The following NT5DC1 variants were observed in gnomAD, a reference collection of about 807,000 sequenced individuals.
NT5DC1 encodes 5'-nucleotidase domain containing 1.
Under a neutral mutation model 59.4 loss-of-function variants are expected in NT5DC1, and 42 were observed. The ratio of observed to expected loss-of-function variants is 0.71; its 90% CI spans 0.55 to 0.92. NT5DC1 has a LOEUF of 0.92. Among genes scored for constraint, NT5DC1 ranks in the 40% least tolerant of loss-of-function variants. The pLI, the probability that NT5DC1 is intolerant of heterozygous loss-of-function variation, is 0.00. For synonymous variants in NT5DC1, 172 were observed against 188.1 expected, an observed-to-expected ratio of 0.91 and a Z score of 0.70; for missense variants, 501 against 537.1, an observed-to-expected ratio of 0.93 and a Z score of 0.66.
chr6:116,166,969 G>C (rs552637456), intron 6 of NT5DC1, among the ~76,000 whole-genome samples: 3 of 152,068 alleles, frequency 2.0e-5, no homozygotes, highest in South Asian at 2.1e-4. Flanking sequence ...TAATTGTTTT[G>C]GGGAGCCTAC....
chr6:116,159,287 C>CTTTTTTTTTT (rs1415199501), intron 6 of NT5DC1, among the ~76,000 whole-genome samples: 1 of 151,990 alleles, frequency 6.6e-6, no homozygotes, highest in African/African-American at 2.4e-5. Context: ...TTATCAAAAA[C>CTTTTTTTTTT]CAGAGAAACA....
At chr6:116,208,930 G>T (rs76058197) in intron 6 of NT5DC1, among the ~76,000 whole-genome samples, 17 of 152,050 alleles carry the variant, frequency 1.1e-4, no homozygotes, top group African/African-American at 4.1e-4. Flanking sequence ...TTACATCATG[G>T]CTGGGGATCC....
chr6:116,142,026 T>G (rs1779779695), intron 6 of NT5DC1, among the ~76,000 whole-genome samples: 1 of 151,956 alleles, frequency 6.6e-6, no homozygotes, highest in African/African-American at 2.4e-5. Flanking sequence ...AAAAAAAGAT[T>G]TGTTACTTCT....
intron 6 of NT5DC1, among the ~76,000 whole-genome samples, chr6:116,201,300 A>G (rs1281991840): frequency 6.6e-6 from 1 of 152,074 alleles, no homozygotes; most frequent in Non-Finnish European, 1.5e-5. Context: ...ATTGGAAGTC[A>G]TTCCCACCAC....
intron 6 of NT5DC1, among the ~76,000 whole-genome samples, chr6:116,140,360 A>G (rs1383973897): frequency 6.6e-6 from 1 of 152,056 alleles, no homozygotes; most frequent in Non-Finnish European, 1.5e-5. Context: ...TGGGCACATC[A>G]CACCTCTCTT....
intron 6 of NT5DC1, among the ~76,000 whole-genome samples, chr6:116,183,404 T>C (rs981250088): frequency 6.6e-6 from 1 of 152,104 alleles, no homozygotes; most frequent in African/African-American, 2.4e-5. Flanking sequence ...TCTAGTTCTG[T>C]GAAGAATGGT....
intron 6 of NT5DC1, among the ~76,000 whole-genome samples, chr6:116,159,295 A>G (rs513218): frequency 0.61 from 92,614 of 152,062 alleles, 30,270 homozygotes; most frequent in African/African-American, 0.86. Context: ...AACCAGAGAA[A>G]CATAACTTTC....
In NT5DC1 at chr6:116,228,968, G is replaced by A. The variant is rs149919064; in HGVS notation, c.802+5837G>A. ...TGATGGTTGACATTTCCTTGTCTCT[G>A]GGCTTCACATTTCTCTGACCTTCAG... On this transcript the variant is annotated intron_variant, in intron 8 of 11. Coordinates refer to ENST00000319550, the MANE Select transcript of NT5DC1 (RefSeq NM_152729.3). 2.7e-4 allele frequency among the ~76,000 whole-genome samples: 41 copies of A among 152,126 alleles called. No homozygotes were observed. In the East Asian group the frequency reaches 7.5e-3, roughly 28 times the overall value.
chr6:116,224,547 G>A (rs1781871387), intron 8 of NT5DC1, among the ~76,000 whole-genome samples: 1 of 152,220 alleles, frequency 6.6e-6, no homozygotes, highest in South Asian at 2.1e-4. Flanking sequence ...GTTAGGTAGG[G>A]TGACTTGCAA....
chr6:116,248,649 T>G lies in NT5DC1; in HGVS notation c.*4625T>G, dbSNP rs910201002. On this transcript the variant is annotated 3_prime_UTR_variant, in exon 12 of 12. Transcript: ENST00000319550. ...AGTGTTGTGTGAGGACCAGGGTAAT[T>G]ATGCAGTGTCACCACTACTCACAGG... is the stretch of plus-strand genomic sequence containing the variant. 6.6e-6 allele frequency: 1 copy of G among 152,208 alleles called. No individual in the cohort carries two copies. The highest frequency in any genetic ancestry group is 2.4e-5 in the African/African-American group (1 of 41,418). 9.4% of individuals were successfully genotyped at this position (152,208 alleles called of 1,614,324 possible). A position where few individuals can be genotyped will look rare whatever the true frequency, so the allele number is the denominator to read the frequency against.
chr6:116,160,076 A>G (rs921146856), intron 6 of NT5DC1, among the ~76,000 whole-genome samples: 1 of 152,204 alleles, frequency 6.6e-6, no homozygotes, highest in African/African-American at 2.4e-5. Flanking sequence ...CAATAAACAT[A>G]TAAGTACAGG....
chr6:116,117,886 AT>A lies in NT5DC1; in HGVS notation c.475del (p.Trp159GlyfsTer4). On this transcript the variant is annotated frameshift_variant, in exon 6 of 12. Coordinates refer to ENST00000319550, the MANE Select transcript of NT5DC1 (RefSeq NM_152729.3). LOFTEE classifies it high-confidence loss of function. The part of the protein sequence containing the change: ...TKLNNGQKTF[D>X]FWKDIVAAIQ... ...CTGAACAATGGTCAAAAAACATTTG[AT>A]TTTTGGAAGGATATAGTTGCTGCTA... The A allele has an allele frequency of 6.3e-7, 1 of 1,578,478 alleles. No homozygotes were observed. Among genetic ancestry groups the A allele is most frequent in the Non-Finnish European group, 8.7e-7 (1 of 1,149,726 alleles).
rs535890661 is a variant in NT5DC1, at chr6:116,231,612, G to C, written c.803-5354G>C. On this transcript the variant is annotated intron_variant, in intron 8 of 11. Transcript: ENST00000319550. Reference sequence around the variant, plus strand: ...ATAGTAAAAATGAAGAATGAGACGAGAAAGAAAATGAATTGTATTTCTAGC... The same window carrying C: ...ATAGTAAAAATGAAGAATGAGACGACAAAGAAAATGAATTGTATTTCTAGC... 7.2e-5 allele frequency among the ~76,000 whole-genome samples: 11 copies of C among 152,288 alleles called. No individual in the cohort carries two copies. The South Asian group carries it at 2.3e-3, about 32-fold the overall frequency.
At chr6:116,130,530 C>G (rs1779433856) in intron 6 of NT5DC1, among the ~76,000 whole-genome samples, 1 of 152,050 alleles carries the variant, frequency 6.6e-6, no homozygotes, top group African/African-American at 2.4e-5. Flanking sequence ...TCCACAGACT[C>G]TTAGTTTCTT....
Position 116,121,386 on chromosome 6 carries a change from C to T in NT5DC1, c.529+3441C>T, listed in dbSNP as rs1157273124. 3 of 1,614,114 alleles carry T rather than the reference C, an allele frequency of 1.9e-6. No individual in the cohort carries two copies. In the South Asian group the frequency reaches 3.3e-5, roughly 18 times the overall value. On this transcript the variant is annotated intron_variant, in intron 6 of 11. Coordinates refer to ENST00000319550, the MANE Select transcript of NT5DC1 (RefSeq NM_152729.3). ...TGGGGACCTGGTGGGCCAATTGGTC[C>T]CATTTCTCCCGGAAAACCTCTATCA...
chr6:116,158,776 G>A (rs1221938138), intron 6 of NT5DC1: 1 of 152,202 alleles, frequency 6.6e-6, no homozygotes, highest in African/African-American at 2.4e-5. Context: ...CTTTTTGGGG[G>A]TTGCTTTTGA....
intron 6 of NT5DC1, chr6:116,145,442 A>G (rs1335668779): frequency 2.6e-6 from 1 of 381,078 alleles, no homozygotes; most frequent in Non-Finnish European, 5.9e-6. Flanking sequence ...TCTTAGTAAG[A>G]AGATTGGCCA....
rs1212888782 is a variant in NT5DC1 at position 116,115,619 on chromosome 6, G to A, written c.365-72G>A. The A allele has an allele frequency of 9.4e-6, 7 of 746,474 alleles. No homozygotes were observed. The Admixed American group carries it at 1.2e-4, about 12-fold the overall frequency. 46.2% of individuals were successfully genotyped at this position (746,474 alleles called of 1,614,324 possible). A position where few individuals can be genotyped will look rare whatever the true frequency, so the allele number is the denominator to read the frequency against. On this transcript the variant is annotated intron_variant, in intron 4 of 11. Transcript: ENST00000319550. Reference sequence around the variant, plus strand: ...TTAAACAAAATCTAGTGTCTCTTCAGCCATATTCCTGTGTATTTCACATGC... The same window carrying A: ...TTAAACAAAATCTAGTGTCTCTTCAACCATATTCCTGTGTATTTCACATGC...
rs551100548 is a variant in NT5DC1 at position 116,169,092 on chromosome 6, T to C, written c.529+51147T>C. ...TTGAAGATTGCGACTTCTTAGGCTC[T>C]CCTTTACTTTTCTTGAAGTTGGTGT... is the stretch of plus-strand genomic sequence containing the variant. On this transcript the variant is annotated intron_variant, in intron 6 of 11. Coordinates refer to ENST00000319550, the MANE Select transcript of NT5DC1 (RefSeq NM_152729.3). Among the ~76,000 whole-genome samples, 11 of 152,338 alleles carry C rather than the reference T, an allele frequency of 7.2e-5. No individual in the cohort carries two copies. The East Asian group carries it at 1.7e-3, about 24-fold the overall frequency.
Sources: gnomAD v4.1 joint callset for allele counts (sites outside exome capture counted in the v4.1 genomes callset) on GRCh38, gnomAD v4.1.1 for gene constraint, MANE v1.5 for transcripts, NCBI Gene and HGNC (gene_info 2026-07-23, HGNC 2026-07-21) for gene names.